TTL: variants seen among roughly 807,000 people sequenced by gnomAD.
The protein encoded by TTL is tubulin tyrosine ligase, also known as tubulin--tyrosine ligase.
A neutral mutation model predicts 41.1 loss-of-function variants in TTL; 10 were observed. That is an observed-to-expected ratio of 0.24 (90% CI 0.15 to 0.41). TTL has a LOEUF of 0.41. TTL is among the 10% of genes least tolerant of loss of function. TTL has a pLI of 1.00. For missense variants in TTL, 367 were observed against 460.4 expected (o/e 0.80, Z 1.86); for synonymous variants, 175 against 175.5 (o/e 1.00, Z 0.02).
chr2:112,521,373 G>A (rs75132408), intron 6 of TTL: 22 of 985,114 alleles, frequency 2.2e-5, no homozygotes, highest in Middle Eastern at 5.2e-4. Flanking sequence ...AAGGCCTTAC[G>A]TGTCAGGGAA....
At chr2:112,512,553 C>T (rs1574066412) in intron 5 of TTL, among the ~76,000 whole-genome samples, 1 of 152,132 alleles carries the variant, frequency 6.6e-6, no homozygotes, top group African/African-American at 2.4e-5. Context: ...TGAGCCACCA[C>T]GCCTGGCCTA....
chr2:112,520,147 A>G, intron 5 of TTL, 135 bp from the exon 6 acceptor site: 1 of 1,107,876 alleles, frequency 9.0e-7, no homozygotes, highest in Non-Finnish European at 1.3e-6. Flanking sequence ...AAAAAAAAAA[A>G]AAAGGAAACA....
intron 2 of TTL, among the ~76,000 whole-genome samples, 191 bp downstream of exon 2, chr2:112,486,186 G>A (rs373384115): frequency 1.3e-5 from 2 of 152,330 alleles, no homozygotes; most frequent in African/African-American, 4.8e-5. Context: ...CCTCTGAGGT[G>A]AGGCTCCTAG....
intron 2 of TTL, among the ~76,000 whole-genome samples, chr2:112,488,154 G>GC (rs1681292021): frequency 6.6e-6 from 1 of 152,174 alleles, no homozygotes; most frequent in African/African-American, 2.4e-5. Context: ...AGGCCTCAAG[G>GC]CCATAGTCTT....
intron 1 of TTL, 117 bp from the exon 2 acceptor site, chr2:112,485,800 C>T (rs1681224531): frequency 1.1e-6 from 1 of 940,538 alleles, no homozygotes; most frequent in Non-Finnish European, 1.6e-6. Flanking sequence ...GTTCCATTTT[C>T]CATTTTCTAA....
At chr2:112,517,496 C>T (rs1246532812) in intron 5 of TTL, among the ~76,000 whole-genome samples, 5 of 151,688 alleles carry the variant, frequency 3.3e-5, no homozygotes, top group African/African-American at 1.2e-4. Context: ...TGATCTGCCT[C>T]CCTCAGCCTC....
Position 112,501,378 on chromosome 2 carries a change from A to T in TTL, c.605+37A>T, listed in dbSNP as rs560753574. 138 of 1,515,712 alleles carry T rather than the reference A, an allele frequency of 9.1e-5. 2 individuals carry two copies. The Admixed American group carries it at 1.1e-3, about 12-fold the overall frequency. The allele number at this position is 1,515,712 out of a possible 1,614,324, so 93.9% of individuals were successfully genotyped here. A position where few individuals can be genotyped will look rare whatever the true frequency, so the allele number is the denominator to read the frequency against. ...ATGTCCATAGCTTTTGTTTTTATTC[A>T]TCTGAAAAAACTGCCATGGTATGTG... is the stretch of plus-strand genomic sequence containing the variant. On this transcript the variant is annotated intron_variant, in intron 4 of 6. Coordinates refer to ENST00000233336, the MANE Select transcript of TTL (RefSeq NM_153712.5).
At chr2:112,524,642 T>A (rs1682326971) in intron 6 of TTL, among the ~76,000 whole-genome samples, 3 of 152,338 alleles carry the variant, frequency 2.0e-5, no homozygotes, top group African/African-American at 7.2e-5. Context: ...TGGGGTTGTT[T>A]GATTTTTTCT....
intron 2 of TTL, among the ~76,000 whole-genome samples, chr2:112,492,466 C>T (rs1005624629): frequency 5.3e-5 from 8 of 151,968 alleles, no homozygotes; most frequent in Admixed American, 1.3e-4. Flanking sequence ...CGCGGTGGCT[C>T]ACGCCTGTAA....
intron 2 of TTL, 81 bp from the exon 3 acceptor site, chr2:112,494,062 T>C: frequency 9.3e-7 from 1 of 1,074,362 alleles, no homozygotes; most frequent in Non-Finnish European, 1.4e-6. Context: ...GGAAAGTCTC[T>C]GGGGGAAAGG....
chr2:112,499,809 C>G lies in TTL; in HGVS notation c.470-1397C>G, dbSNP rs1681642394. On this transcript the variant is annotated intron_variant, in intron 3 of 6. Transcript: ENST00000233336. ...ACACACAATCCAATTAGAAAAAGAGCAAACAGTAAGACCCCAGCTCTACAA... is the reference window on the plus strand; with the variant it reads ...ACACACAATCCAATTAGAAAAAGAGGAAACAGTAAGACCCCAGCTCTACAA... Among the ~76,000 whole-genome samples, 4 of 152,108 alleles carry G rather than the reference C, an allele frequency of 2.6e-5. No individual in the cohort carries two copies. The South Asian group carries it at 8.3e-4, about 32-fold the overall frequency.
chr2:112,495,249 C>G (rs528695142), intron 3 of TTL, among the ~76,000 whole-genome samples: 1 of 152,148 alleles, frequency 6.6e-6, no homozygotes, highest in Non-Finnish European at 1.5e-5. Flanking sequence ...AAAATAGCCT[C>G]CGTGTCCATT....
At chr2:112,492,470 C>T (rs574199872) in intron 2 of TTL, among the ~76,000 whole-genome samples, 22 of 151,746 alleles carry the variant, frequency 1.4e-4, no homozygotes, top group African/African-American at 5.1e-4. Context: ...GTGGCTCACG[C>T]CTGTAATCCC....
chr2:112,512,089 T>TATC (rs1163929330), intron 5 of TTL, among the ~76,000 whole-genome samples: 1 of 151,458 alleles, frequency 6.6e-6, no homozygotes, highest in African/African-American at 2.4e-5. Flanking sequence ...TATTTATTGT[T>TATC]ATTATTATTA....
Position 112,507,779 on chromosome 2 carries a change from C to T in TTL, c.875+4598C>T, listed in dbSNP as rs1363017970. Among the ~76,000 whole-genome samples, 6 of 150,372 alleles carry T rather than the reference C, an allele frequency of 4.0e-5. No homozygotes were observed. The East Asian group carries it at 1.2e-3, about 29-fold the overall frequency. On this transcript the variant is annotated intron_variant, in intron 5 of 6. Coordinates refer to ENST00000233336, the MANE Select transcript of TTL (RefSeq NM_153712.5). ...TCTTGACTCTATCCAACTTGCCAGT[C>T]TGTGTCTTTTAATTGCAGAATTTAG...
intron 4 of TTL, among the ~76,000 whole-genome samples, chr2:112,502,395 G>C (rs764928717): frequency 1.3e-5 from 2 of 152,014 alleles, no homozygotes; most frequent in African/African-American, 2.4e-5. Flanking sequence ...CCAGCACTTT[G>C]AGAGGCCAAG....
chr2:112,482,944 G>GGGCGGGGGAGCC lies in TTL; in HGVS notation c.157+445_157+456dup, dbSNP rs1410396561. 6.6e-6 allele frequency among the ~76,000 whole-genome samples: 1 copy of GGGCGGGGGAGCC among 152,234 alleles called. No homozygotes were observed. The highest frequency in any genetic ancestry group is 1.9e-4 in the East Asian group (1 of 5,184). On this transcript the variant is annotated intron_variant, in intron 1 of 6. Transcript: ENST00000233336. This position sits in a 1 kb window ranked among gnomAD's most constrained non-coding sequence, Gnocchi z 5.3. ...ATTTCTCCCTGCTTGGCGTGGGCGC[G>GGGCGGGGGAGCC]GGCGGGGGAGCCGTAGGTGTTGAAA...
At chr2:112,490,169 A>G (rs1681343188) in intron 2 of TTL, among the ~76,000 whole-genome samples, 1 of 152,132 alleles carries the variant, frequency 6.6e-6, no homozygotes, top group South Asian at 2.1e-4. Flanking sequence ...TAATCCCAAC[A>G]CTTTCAGAGG....
intron 6 of TTL, among the ~76,000 whole-genome samples, chr2:112,525,761 A>G (rs191570885): frequency 1.3e-5 from 2 of 152,234 alleles, no homozygotes; most frequent in African/African-American, 4.8e-5. Flanking sequence ...CTTTTTTCCT[A>G]ATTGAATACC....
Sources: allele counts gnomAD v4.1 joint callset (sites outside exome capture counted in the v4.1 genomes callset), GRCh38; gene constraint gnomAD v4.1.1; non-coding constraint Gnocchi (gnomAD v3.1); transcripts MANE v1.5; gene names NCBI Gene and HGNC (gene_info 2026-07-23, HGNC 2026-07-21).